The following RPS6KA2 variants were observed in gnomAD, a reference collection of about 807,000 sequenced individuals.
The protein encoded by RPS6KA2 is ribosomal protein S6 kinase alpha-2.
Under a neutral mutation model 91.8 loss-of-function variants are expected in RPS6KA2, and 42 were observed. That is an observed-to-expected ratio of 0.46 (90% confidence interval 0.36 to 0.59). The LOEUF (loss-of-function observed/expected upper bound fraction) is 0.59, where lower values mean the gene tolerates loss of function less well. RPS6KA2 is among the 20% of genes least tolerant of loss of function. The pLI is 0.00. For missense variants in RPS6KA2, 798 were observed against 978.5 expected (o/e 0.82, Z 2.46); for synonymous variants, 414 against 393.6 (o/e 1.05, Z -0.61).
intron 12 of RPS6KA2, among the ~76,000 whole-genome samples, chr6:166,451,576 C>T (rs1779919382): frequency 2.0e-5 from 3 of 152,314 alleles, no homozygotes; most frequent in South Asian, 4.1e-4. Flanking sequence ...TCCACCCCTA[C>T]CCACTCCAGA....
intron 6 of RPS6KA2, among the ~76,000 whole-genome samples, chr6:166,503,901 C>T (rs1372198138): frequency 2.0e-5 from 3 of 152,188 alleles, no homozygotes; most frequent in African/African-American, 4.8e-5. Context: ...ATACAAATCT[C>T]AGTGGACTCT....
At chr6:166,764,227 C>A (rs364938) in intron 2 of RPS6KA2, among the ~76,000 whole-genome samples, 32,778 of 151,994 alleles carry the variant, frequency 0.22, 3,820 homozygotes, top group African/African-American at 0.28. Context: ...CTGGGATCGC[C>A]CGGCACAGTG....
At position 166,841,395 on chromosome 6, in the gene RPS6KA2, C is replaced by G. The variant is rs555189133; in HGVS notation, c.123+16805G>C. The stretch of plus-strand genomic sequence containing the variant: ...TTGCCATGCTGAGCCAGGCAAAGTG[C>G]GTGCTGCACCTGCTCTTTCAAAGAC... On this transcript the variant is annotated intron_variant, in intron 2 of 21. Coordinates refer to the RPS6KA2 transcript ENST00000503859. Among the ~76,000 whole-genome samples, 19 of 152,268 alleles carry G rather than the reference C, an allele frequency of 1.2e-4. 1 individual carries two copies. The highest frequency in any genetic ancestry group is 7.8e-4 in the Admixed American group (12 of 15,292).
chr6:166,858,399 C>G (rs1780965567), intron 1 of RPS6KA2: 1 of 624,604 alleles, frequency 1.6e-6, no homozygotes, highest in South Asian at 2.0e-5. Flanking sequence ...TATCACCGTC[C>G]CTTCCCACCT....
At chr6:166,841,991 G>A (rs751134037) in intron 2 of RPS6KA2, among the ~76,000 whole-genome samples, 7 of 152,224 alleles carry the variant, frequency 4.6e-5, no homozygotes, top group African/African-American at 1.2e-4. Flanking sequence ...GGCATCTCTC[G>A]AGCGAACAAA....
chr6:166,566,372 G>A (rs948888821), intron 1 of RPS6KA2, among the ~76,000 whole-genome samples: 3 of 152,228 alleles, frequency 2.0e-5, no homozygotes, highest in African/African-American at 7.2e-5. Context: ...AGGGACACCT[G>A]AGCCCTGCCA....
intron 14 of RPS6KA2, among the ~76,000 whole-genome samples, chr6:166,444,655 T>A (rs1779622098): frequency 1.3e-5 from 2 of 152,170 alleles, no homozygotes; most frequent in African/African-American, 2.4e-5. Flanking sequence ...AGGGTCGGTG[T>A]CTTCCCGCCC....
intron 1 of RPS6KA2, among the ~76,000 whole-genome samples, chr6:166,859,831 C>A (rs1216451207): frequency 6.6e-6 from 1 of 152,222 alleles, no homozygotes; most frequent in Non-Finnish European, 1.5e-5. Flanking sequence ...GAAATCCAAT[C>A]ATCAGTCCTG....
chr6:166,778,674 G>A (rs1019245839), intron 2 of RPS6KA2, among the ~76,000 whole-genome samples: 1 of 152,238 alleles, frequency 6.6e-6, no homozygotes, highest in Non-Finnish European at 1.5e-5. Context: ...GCTGAGGCAG[G>A]AGAATCTCTT....
At chr6:166,759,510 G>T (rs772154367) in intron 2 of RPS6KA2, among the ~76,000 whole-genome samples, 2 of 152,126 alleles carry the variant, frequency 1.3e-5, no homozygotes, top group African/African-American at 2.4e-5. Flanking sequence ...AGAAAATAAG[G>T]CTCTTTCTAG....
In RPS6KA2 at chr6:166,418,073, G is replaced by A; in HGVS notation, c.1938+152C>T. The stretch of plus-strand genomic sequence containing the variant: ...ACTGCACTCCAGCCTGGGTGAGACA[G>A]AGCGAGACTCCATTTCAAGAAAAAA... On this transcript the variant is annotated intron_variant, in intron 19 of 20. Transcript: ENST00000265678. The surrounding 1 kb of genome is among the most constrained non-coding windows in gnomAD (Gnocchi z 4.9). The A allele has an allele frequency of 1.6e-6, 1 of 618,912 alleles. No individual in the cohort carries two copies. Among genetic ancestry groups the A allele is most frequent in the Non-Finnish European group, 2.9e-6 (1 of 349,586 alleles). The allele number at this position is 618,912 out of a possible 1,614,324, so 38.3% of individuals were successfully genotyped here.
At chr6:166,454,413 G>C (rs924144984) in intron 12 of RPS6KA2, among the ~76,000 whole-genome samples, 1 of 152,060 alleles carries the variant, frequency 6.6e-6, no homozygotes, top group East Asian at 1.9e-4. Context: ...CAGGAGAATC[G>C]CTTGAACCTG....
intron 2 of RPS6KA2, among the ~76,000 whole-genome samples, chr6:166,537,628 A>G (rs1194357612): frequency 6.6e-6 from 1 of 152,258 alleles, no homozygotes; most frequent in Non-Finnish European, 1.5e-5. Context: ...GGACTGTAGG[A>G]TTATCCAGAA....
At chr6:166,569,110 C>G (rs548586155) in intron 1 of RPS6KA2, among the ~76,000 whole-genome samples, 4 of 152,206 alleles carry the variant, frequency 2.6e-5, no homozygotes, top group African/African-American at 9.7e-5. Flanking sequence ...TGCAAGTTTA[C>G]TCTAAGTTAA....
chr6:166,422,461 G>T (rs1052553721), intron 17 of RPS6KA2, among the ~76,000 whole-genome samples: 3 of 151,450 alleles, frequency 2.0e-5, no homozygotes, highest in Non-Finnish European at 4.4e-5. Context: ...GTTCCATCAA[G>T]AACCCACGGG....
rs572091676 is a variant in RPS6KA2, at chr6:166,614,692, C to T, written c.99+12229G>A. Among the ~76,000 whole-genome samples, 12 of 152,268 alleles carry T rather than the reference C, an allele frequency of 7.9e-5. No individual in the cohort carries two copies. In the South Asian group the frequency reaches 2.3e-3, roughly 29 times the overall value. On this transcript the variant is annotated intron_variant, in intron 1 of 20. Transcript: ENST00000265678. The stretch of plus-strand genomic sequence containing the variant: ...TCCATTTTGCTGGTGTTGGCAAGGC[C>T]GGTCCCTCCGGTGACTCCATGTCCA...
chr6:166,838,396 T>C (rs1411934758), intron 2 of RPS6KA2, among the ~76,000 whole-genome samples: 1 of 152,204 alleles, frequency 6.6e-6, no homozygotes, highest in African/African-American at 2.4e-5. Flanking sequence ...GTATTTATTT[T>C]TCAGAGAGCC....
At chr6:166,763,377 C>T (rs974244429) in intron 2 of RPS6KA2, among the ~76,000 whole-genome samples, 1 of 152,210 alleles carries the variant, frequency 6.6e-6, no homozygotes, top group Non-Finnish European at 1.5e-5. Flanking sequence ...AGCCACATGG[C>T]TCGGTTCAAA....
At chr6:166,450,052 CAGG>C (rs1779827485) in intron 13 of RPS6KA2, among the ~76,000 whole-genome samples, 1 of 94,600 alleles carries the variant, frequency 1.1e-5, no homozygotes, top group Admixed American at 1.2e-4. Context: ...GGAACCACCA[CAGG>C]GACCACCGTA....
Sources: allele counts gnomAD v4.1 joint callset (sites outside exome capture counted in the v4.1 genomes callset), GRCh38; gene constraint gnomAD v4.1.1; non-coding constraint Gnocchi (gnomAD v3.1); transcripts MANE v1.5; gene names NCBI Gene and HGNC (gene_info 2026-07-23, HGNC 2026-07-21).